The following CD58 variants were observed in gnomAD, a reference collection of about 807,000 sequenced individuals.
CD58 encodes CD58 molecule.
In CD58, 14 loss-of-function variants were observed where a neutral mutation model predicts 27.6. The observed-to-expected ratio is 0.51, with a 90% CI of 0.34 to 0.79. The LOEUF is 0.79. CD58 is among the 30% of genes least tolerant of loss of function. The pLI is 0.02. For synonymous variants in CD58, 117 were observed against 103.8 expected (o/e 1.13, Z -0.77); for missense variants, 268 against 301.7 (o/e 0.89, Z 0.83).
At position 116,570,650 on chromosome 1, in the gene CD58, G is replaced by A. The variant is rs1469233029; in HGVS notation, c.70+253C>T. Among the ~76,000 whole-genome samples, 1 of 152,096 alleles carries A rather than the reference G, an allele frequency of 6.6e-6. No homozygotes were observed. The highest frequency in any genetic ancestry group is 1.5e-5 in the Non-Finnish European group (1 of 67,982). ...GGGGGGGCGCAGGCCCCGCAGGAGA[G>A]GCTAGCGGGCCGGAGCCCGTCCTTC... On this transcript the variant is annotated intron_variant, in intron 1 of 5. Coordinates refer to ENST00000369489, the MANE Select transcript of CD58 (RefSeq NM_001779.3). The surrounding 1 kb of genome is among the most constrained non-coding windows in gnomAD (Gnocchi z 6.4).
intron 3 of CD58, among the ~76,000 whole-genome samples, chr1:116,529,922 CT>C (rs1052644102): frequency 1.4e-4 from 21 of 152,148 alleles, no homozygotes; most frequent in Admixed American, 1.1e-3. Flanking sequence ...CAAAAAGGTC[CT>C]ACTAGACAAA....
At chr1:116,553,163 TG>T (rs1009494994) in intron 1 of CD58, among the ~76,000 whole-genome samples, 5 of 152,082 alleles carry the variant, frequency 3.3e-5, no homozygotes, top group Admixed American at 6.5e-5. Flanking sequence ...TTAGATTGTT[TG>T]TTTTTTTCTT....
chr1:116,544,451 G>A lies in CD58; in HGVS notation c.224C>T (p.Ser75Leu), dbSNP rs1658088222. The A allele has an allele frequency of 6.2e-7, 1 of 1,614,072 alleles. No individual in the cohort carries two copies. ...TAAATAAACCCTATTTTTAAAAGAT[G>A]AGAAAGCTCTGAATTCAGAATTTTC... ...ELENSEFRAF[S>L]SFKNRVYLDT... is the part of the protein sequence containing the mutation. The change falls in exon 2 of 6, where the codon TCA (serine) becomes TTA (leucine). Residue 75 changes from serine to leucine, a missense_variant. Coordinates refer to ENST00000369489, the MANE Select transcript of CD58 (RefSeq NM_001779.3).
chr1:116,555,953 G>T (rs1025564625), intron 1 of CD58, among the ~76,000 whole-genome samples: 6 of 152,150 alleles, frequency 3.9e-5, no homozygotes, highest in African/African-American at 7.2e-5. Context: ...TGTTGCAAGG[G>T]CTCTATAAAT....
rs1191771095 is a variant in CD58 at position 116,534,871 on chromosome 1, G to A, written c.628+1094C>T. 6.6e-6 allele frequency among the ~76,000 whole-genome samples: 1 copy of A among 152,114 alleles called. No homozygotes were observed. The highest frequency in any genetic ancestry group is 2.4e-5 in the African/African-American group (1 of 41,424). On this transcript the variant is annotated intron_variant, in intron 3 of 5. Transcript: ENST00000369489. This position sits in a 1 kb window ranked among gnomAD's most constrained non-coding sequence, Gnocchi z 5.3. ...TTGTATTTGCTAATTTCCCTTATCTGTTTCAGCTGCTTGTTCAGAAAAATT... is the reference window on the plus strand; with the variant it reads ...TTGTATTTGCTAATTTCCCTTATCTATTTCAGCTGCTTGTTCAGAAAAATT...
At chr1:116,561,758 T>C (rs1008249782) in intron 1 of CD58, among the ~76,000 whole-genome samples, 7 of 152,178 alleles carry the variant, frequency 4.6e-5, no homozygotes, top group African/African-American at 1.7e-4. Flanking sequence ...AAAGTTCAAG[T>C]TCACTCTGCC....
In CD58 at chr1:116,528,083, GC is replaced by G. The variant is rs1231098502; in HGVS notation, c.629-6101del. Among the ~76,000 whole-genome samples, 2 of 152,156 alleles carry G rather than the reference GC, an allele frequency of 1.3e-5. No individual in the cohort carries two copies. Among genetic ancestry groups the G allele is most frequent in the African/African-American group, 4.8e-5 (2 of 41,428 alleles). ...CAGCGTTCTTTCTCAATTTTTAAAA[GC>G]AGAGTGAACATTCTTAATCACTATT... On this transcript the variant is annotated intron_variant, in intron 3 of 5. Coordinates refer to ENST00000369489, the MANE Select transcript of CD58 (RefSeq NM_001779.3). The surrounding 1 kb of genome is among the most constrained non-coding windows in gnomAD (Gnocchi z 4.4).
intron 1 of CD58, among the ~76,000 whole-genome samples, chr1:116,560,924 T>C (rs1483093082): frequency 6.6e-6 from 1 of 152,214 alleles, no homozygotes; most frequent in Non-Finnish European, 1.5e-5. Flanking sequence ...GAAGTTGAGA[T>C]TTGTCATTGC....
Position 116,517,317 on chromosome 1 carries a change from C to T in CD58, c.743+1914G>A, listed in dbSNP as rs373851145. Among the ~76,000 whole-genome samples the T allele has an allele frequency of 6.6e-6, 1 of 152,150 alleles. No homozygotes were observed. The highest frequency in any genetic ancestry group is 1.5e-5 in the Non-Finnish European group (1 of 68,010). ...TCTGCCCAGCCTCCTGGCCCATCAA[C>T]CCCTCATGGCCTTGGGTCCTCCCAG... On this transcript the variant is annotated intron_variant, in intron 5 of 5. Coordinates refer to ENST00000369489, the MANE Select transcript of CD58 (RefSeq NM_001779.3). This position sits in a 1 kb window ranked among gnomAD's most constrained non-coding sequence, Gnocchi z 6.5.
chr1:116,531,760 G>A lies in CD58; in HGVS notation c.628+4205C>T, dbSNP rs1307650292. On this transcript the variant is annotated intron_variant, in intron 3 of 5. Transcript: ENST00000369489. This position sits in a 1 kb window ranked among gnomAD's most constrained non-coding sequence, Gnocchi z 4.5. ...TTTGCACTTTTTCTTTTTTTTCTCC[G>A]TGTTTCATAACTTTAATAGAATATT... Among the ~76,000 whole-genome samples the A allele has an allele frequency of 2.6e-5, 4 of 151,344 alleles. No individual in the cohort carries two copies. The South Asian group carries it at 6.3e-4, about 24-fold the overall frequency.
In CD58 at chr1:116,519,553, G is replaced by A. The variant is rs905473848; in HGVS notation, c.707-286C>T. On this transcript the variant is annotated intron_variant, in intron 4 of 5. Coordinates refer to ENST00000369489, the MANE Select transcript of CD58 (RefSeq NM_001779.3). This position sits in a 1 kb window ranked among gnomAD's most constrained non-coding sequence, Gnocchi z 4.7. The stretch of plus-strand genomic sequence containing the variant: ...AAGGCTGAAGATGCAGGGAAGGCTA[G>A]AATAGTTTGGACCAGTGCTGTCCAA... Among the ~76,000 whole-genome samples the A allele has an allele frequency of 2.6e-5, 4 of 152,152 alleles. No individual in the cohort carries two copies. The highest frequency in any genetic ancestry group is 6.5e-5 in the Admixed American group (1 of 15,282).
chr1:116,550,440 A>G lies in CD58; in HGVS notation c.71-5836T>C, dbSNP rs989211599. On this transcript the variant is annotated intron_variant, in intron 1 of 5. Coordinates refer to ENST00000369489, the MANE Select transcript of CD58 (RefSeq NM_001779.3). The surrounding 1 kb of genome is among the most constrained non-coding windows in gnomAD (Gnocchi z 4.2). ...AAGAAACCACTTTCTTTGCTCATCC[A>G]TAAGAAGCAACTCCTCATTGGCTCA... Among the ~76,000 whole-genome samples the G allele has an allele frequency of 3.3e-5, 5 of 151,898 alleles. No individual in the cohort carries two copies. The highest frequency in any genetic ancestry group is 2.0e-4 in the Admixed American group (3 of 15,262).
At position 116,541,629 on chromosome 1, in the gene CD58, A is replaced by T. The variant is rs1657992219; in HGVS notation, c.364+2682T>A. Among the ~76,000 whole-genome samples, 1 of 152,218 alleles carries T rather than the reference A, an allele frequency of 6.6e-6. No individual in the cohort carries two copies. The highest frequency in any genetic ancestry group is 1.5e-5 in the Non-Finnish European group (1 of 68,030). On this transcript the variant is annotated intron_variant, in intron 2 of 5. Coordinates refer to ENST00000369489, the MANE Select transcript of CD58 (RefSeq NM_001779.3). This position sits in a 1 kb window ranked among gnomAD's most constrained non-coding sequence, Gnocchi z 5.3. ...AAGGATGGGGCTGCCATTAACCAAAAGGGAAAAGATTTGGGGAGGAGCAGC... is the reference window on the plus strand; with the variant it reads ...AAGGATGGGGCTGCCATTAACCAAATGGGAAAAGATTTGGGGAGGAGCAGC...
rs1657465169 is a variant in CD58, at chr1:116,527,391, T to C, written c.629-5408A>G. Among the ~76,000 whole-genome samples, 1 of 152,228 alleles carries C rather than the reference T, an allele frequency of 6.6e-6. No homozygotes were observed. The highest frequency in any genetic ancestry group is 2.1e-4 in the South Asian group (1 of 4,834). Reference sequence around the variant, plus strand: ...ACTGAGAGTTTTTATCATAAATTGATGTTGGATTTTGTCAAATGCTTTTTC... The same window carrying C: ...ACTGAGAGTTTTTATCATAAATTGACGTTGGATTTTGTCAAATGCTTTTTC... On this transcript the variant is annotated intron_variant, in intron 3 of 5. Coordinates refer to ENST00000369489, the MANE Select transcript of CD58 (RefSeq NM_001779.3). This position sits in a 1 kb window ranked among gnomAD's most constrained non-coding sequence, Gnocchi z 4.4.
rs1178503627 is a variant in CD58, at chr1:116,522,534, C to T, written c.629-551G>A. The stretch of plus-strand genomic sequence containing the variant: ...AACAAGGTTATAAACAGATCATTAA[C>T]AAAAATCTTATGACTAGAGGCTCAC... On this transcript the variant is annotated intron_variant, in intron 3 of 5. Coordinates refer to ENST00000369489, the MANE Select transcript of CD58 (RefSeq NM_001779.3). The surrounding 1 kb of genome is among the most constrained non-coding windows in gnomAD (Gnocchi z 4.6). Among the ~76,000 whole-genome samples the T allele has an allele frequency of 6.6e-6, 1 of 152,138 alleles. No individual in the cohort carries two copies. Among genetic ancestry groups the T allele is most frequent in the East Asian group, 1.9e-4 (1 of 5,192 alleles).
rs1658355059 is a variant in CD58 at position 116,550,480 on chromosome 1, AT to A, written c.71-5877del. ...TCATTGGCTCAATTTTCATCATGAG[AT>A]TGTGGCAACTGAGTGACATATTCAG... On this transcript the variant is annotated intron_variant, in intron 1 of 5. Transcript: ENST00000369489. This position sits in a 1 kb window ranked among gnomAD's most constrained non-coding sequence, Gnocchi z 4.2. Among the ~76,000 whole-genome samples, 1 of 152,184 alleles carries A rather than the reference AT, an allele frequency of 6.6e-6. No homozygotes were observed. Among genetic ancestry groups the A allele is most frequent in the Non-Finnish European group, 1.5e-5 (1 of 68,040 alleles).
Position 116,538,397 on chromosome 1 carries a change from A to G in CD58, c.365-2169T>C, listed in dbSNP as rs1218101267. ...ACTTCCAAGGAACATGCATCCCCAGAATAGTTCAAAAATGCCTGTTCTCAG... is the reference window on the plus strand; with the variant it reads ...ACTTCCAAGGAACATGCATCCCCAGGATAGTTCAAAAATGCCTGTTCTCAG... On this transcript the variant is annotated intron_variant, in intron 2 of 5. Transcript: ENST00000369489. The surrounding 1 kb of genome is among the most constrained non-coding windows in gnomAD (Gnocchi z 4.7). Among the ~76,000 whole-genome samples, 2 of 152,158 alleles carry G rather than the reference A, an allele frequency of 1.3e-5. No individual in the cohort carries two copies. Among genetic ancestry groups the G allele is most frequent in the Non-Finnish European group, 2.9e-5 (2 of 68,026 alleles).
intron 1 of CD58, among the ~76,000 whole-genome samples, chr1:116,553,595 G>C (rs997318752): frequency 2.0e-5 from 3 of 152,162 alleles, no homozygotes; most frequent in African/African-American, 7.2e-5. Context: ...AAACACAGCA[G>C]GAAGACTAAG....
chr1:116,565,713 T>G (rs1338184880), intron 1 of CD58, among the ~76,000 whole-genome samples: 4 of 151,204 alleles, frequency 2.6e-5, no homozygotes, highest in Non-Finnish European at 5.9e-5. Context: ...TTTTTTGTTT[T>G]GTTTTGTTTT....
Sources: gnomAD v4.1 joint callset for allele counts (sites outside exome capture counted in the v4.1 genomes callset) on GRCh38, gnomAD v4.1.1 for gene constraint, Gnocchi (gnomAD v3.1) non-coding constraint, MANE v1.5 for transcripts, NCBI Gene and HGNC (gene_info 2026-07-23, HGNC 2026-07-21) for gene names.